The following CAST variants were observed in gnomAD, a reference collection of about 807,000 sequenced individuals.
CAST encodes MIR583 host.
CAST carries 76 observed loss-of-function variants against 119.6 expected under a neutral mutation model. That is an observed-to-expected ratio of 0.64 (90% CI 0.53 to 0.77). The LOEUF (loss-of-function observed/expected upper bound fraction) is 0.77, where lower values mean the gene tolerates loss of function less well. Ranked by LOEUF, CAST falls within the 30% of genes least tolerant of loss-of-function variation. The pLI is 0.00. For missense variants in CAST, 953 were observed against 946.5 expected, an observed-to-expected ratio of 1.01 and a Z score of -0.09; for synonymous variants, 319 against 331.6, an observed-to-expected ratio of 0.96 and a Z score of 0.41.
the CAST span, among the ~76,000 whole-genome samples, chr5:96,407,410 A>C: frequency 6.6e-6 from 1 of 152,342 alleles, no homozygotes; most frequent in East Asian, 1.9e-4. Context: ...TTCACCTATC[A>C]ACATAGCAAA....
the CAST span, among the ~76,000 whole-genome samples, chr5:96,090,597 C>T: frequency 5.9e-4 from 90 of 151,464 alleles, no homozygotes; most frequent in Admixed American, 2.0e-3. Context: ...CTTCACTTTC[C>T]GGAAGAGGTT....
chr5:96,231,842 C>T, the CAST span, among the ~76,000 whole-genome samples: 1 of 152,002 alleles, frequency 6.6e-6, no homozygotes, highest in African/African-American at 2.4e-5. Flanking sequence ...TTACCACCAA[C>T]ATATACCATA....
the CAST span, among the ~76,000 whole-genome samples, chr5:96,037,270 C>T: frequency 6.6e-6 from 1 of 152,114 alleles, no homozygotes; most frequent in Non-Finnish European, 1.5e-5. Flanking sequence ...TACCATGACG[C>T]TGGGAAACAT....
At chr5:96,036,741 A>T in the CAST span, among the ~76,000 whole-genome samples, 1 of 152,158 alleles carries the variant, frequency 6.6e-6, no homozygotes, top group African/African-American at 2.4e-5. Context: ...TTTTGATCTT[A>T]ACTATTTTGA....
chr5:96,340,302 T>C, the CAST span, among the ~76,000 whole-genome samples: 1 of 152,200 alleles, frequency 6.6e-6, no homozygotes, highest in Non-Finnish European at 1.5e-5. Flanking sequence ...TCAGGTCCTT[T>C]TGTAGAAAGA....
chr5:96,279,942 C>T, the CAST span, among the ~76,000 whole-genome samples: 1 of 152,186 alleles, frequency 6.6e-6, no homozygotes, highest in Non-Finnish European at 1.5e-5. Context: ...ACACACTGCA[C>T]CATTTTTTTA....
the CAST span, among the ~76,000 whole-genome samples, chr5:96,159,439 C>T: frequency 1.6e-4 from 25 of 152,158 alleles, no homozygotes; most frequent in East Asian, 1.2e-3. Flanking sequence ...GGTCAAACAA[C>T]GCAAAGTTGT....
chr5:96,147,753 A>G, the CAST span, among the ~76,000 whole-genome samples: 1 of 152,222 alleles, frequency 6.6e-6, no homozygotes, highest in East Asian at 1.9e-4. Flanking sequence ...CATTTTGCCA[A>G]CCACACAATT....
chr5:96,517,205 T>TAA, the CAST span, among the ~76,000 whole-genome samples: 32,228 of 152,092 alleles, frequency 0.21, 3,942 homozygotes, highest in Admixed American at 0.31. Flanking sequence ...TATATATGTT[T>TAA]AAGTACTAAT....
chr5:96,757,613 TTGTC>T lies in CAST; in HGVS notation c.1795_1798del (p.Ser599ArgfsTer62), dbSNP rs1766598360. 1 of 1,614,000 alleles carries T rather than the reference TTGTC, an allele frequency of 6.2e-7. No homozygotes were observed. Among genetic ancestry groups the T allele is most frequent in the African/African-American group, 1.3e-5 (1 of 75,046 alleles). The stretch of plus-strand genomic sequence containing the variant: ...GAGTGAAGACTTCCTTCTGGATGCT[TTGTC>T]TGAGGACTTCTCTGGTCCACAAAAT... On this transcript the variant is annotated frameshift_variant, in exon 24 of 32. Transcript: ENST00000675179. LOFTEE classifies it high-confidence loss of function.
chr5:96,005,622 G>A, the CAST span, among the ~76,000 whole-genome samples: 2 of 152,110 alleles, frequency 1.3e-5, no homozygotes, highest in Non-Finnish European at 2.9e-5. Flanking sequence ...ATATTATCAA[G>A]TATATCAGTT....
At chr5:96,427,600 C>G in the CAST span, among the ~76,000 whole-genome samples, 1 of 152,154 alleles carries the variant, frequency 6.6e-6, no homozygotes, top group Non-Finnish European at 1.5e-5. Context: ...ACCCCTCCCC[C>G]ACCAAATCAG....
chr5:96,490,837 T>A, the CAST span, among the ~76,000 whole-genome samples: 1 of 151,976 alleles, frequency 6.6e-6, no homozygotes, highest in Non-Finnish European at 1.5e-5. Flanking sequence ...TAAATGAAAG[T>A]TTATTAAATA....
chr5:96,219,715 A>G, the CAST span, among the ~76,000 whole-genome samples: 4 of 151,622 alleles, frequency 2.6e-5, no homozygotes, highest in East Asian at 7.7e-4. Flanking sequence ...GGAGGGAGGG[A>G]GGAAGGAGAA....
At chr5:96,616,729 G>GCTCTCTCT (rs145351553) in intron 1 of CAST, among the ~76,000 whole-genome samples, 68 of 138,490 alleles carry the variant, frequency 4.9e-4, no homozygotes, top group African/African-American at 1.6e-3. Flanking sequence ...GCGCTCGCTC[G>GCTCTCTCT]CTCTCTCTCT....
chr5:96,458,068 T>C, the CAST span, among the ~76,000 whole-genome samples: 1 of 152,162 alleles, frequency 6.6e-6, no homozygotes, highest in East Asian at 1.9e-4. Flanking sequence ...GAGCAGAGAT[T>C]GGGAAACTAT....
chr5:96,564,431 C>T (rs1174841676), intron 1 of CAST, among the ~76,000 whole-genome samples: 2 of 152,160 alleles, frequency 1.3e-5, no homozygotes, highest in African/African-American at 4.8e-5. Context: ...AGATATTTTT[C>T]CTTTTCAAAA....
the CAST span, among the ~76,000 whole-genome samples, chr5:96,091,803 C>T: frequency 6.6e-6 from 1 of 152,118 alleles, no homozygotes; most frequent in Non-Finnish European, 1.5e-5. Flanking sequence ...CGTACCTGGC[C>T]CTGAATCTCT....
the CAST span, among the ~76,000 whole-genome samples, chr5:96,382,635 T>C: frequency 1.3e-4 from 20 of 152,330 alleles, no homozygotes; most frequent in Admixed American, 7.8e-4. Context: ...CATGTCCACA[T>C]AGTATTTAAT....
Sources: gnomAD v4.1 joint callset for allele counts (sites outside exome capture counted in the v4.1 genomes callset) on GRCh38, gnomAD v4.1.1 for gene constraint, MANE v1.5 for transcripts, NCBI Gene and HGNC (gene_info 2026-07-23, HGNC 2026-07-21) for gene names.